MAP6D1: variants seen among roughly 807,000 people sequenced by gnomAD.
MAP6D1 encodes MAP6 domain-containing protein 1.
In MAP6D1, 13 loss-of-function variants were observed where a neutral mutation model predicts 17.4. The observed-to-expected ratio is 0.75, with a 90% CI of 0.49 to 1.19. The LOEUF (loss-of-function observed/expected upper bound fraction) is 1.19. Ranked by LOEUF, MAP6D1 falls within the 50% of genes most tolerant of loss-of-function variation. The probability of loss-of-function intolerance (pLI) is 0.00; values close to 1 mark genes in which losing one functional copy is unlikely to be tolerated. For missense variants in MAP6D1, 313 were observed against 312.6 expected (o/e 1.00, Z -0.01); for synonymous variants, 141 against 145.7 (o/e 0.97, Z 0.23).
chr3:183,817,527 C>A, intron 2 of MAP6D1, 91 bp from the exon 3 acceptor site: 1 of 1,159,644 alleles, frequency 8.6e-7, no homozygotes, highest in Non-Finnish European at 1.2e-6. Context: ...AAATCCCCTC[C>A]CATCCTCTGC....
intron 1 of MAP6D1, among the ~76,000 whole-genome samples, chr3:183,822,294 A>C (rs1053404044): frequency 7.5e-6 from 1 of 133,860 alleles, no homozygotes; most frequent in South Asian, 2.4e-4. Context: ...CACACACACA[A>C]AACCCCACAT....
In MAP6D1 at chr3:183,825,283, G is replaced by A. The variant is rs750399591; in HGVS notation, c.265C>T (p.Arg89Cys). 2.2e-4 allele frequency: 289 copies of A among 1,337,012 alleles called. 2 individuals are homozygous for A. Among genetic ancestry groups the A allele is most frequent in the Admixed American group, 4.2e-5 (1 of 24,082 alleles). 82.8% of individuals were successfully genotyped at this position (1,337,012 alleles called of 1,614,324 possible). Residue 89 changes from arginine (R) to cysteine (C), a missense_variant, in exon 1 of 3, where the codon CGC (arginine) becomes TGC (cysteine). Physicochemically the swap from Arg to Cys is radical, Grantham distance 180. Coordinates refer to ENST00000318631, the MANE Select transcript of MAP6D1 (RefSeq NM_024871.4). ...CTGCGGCCGCCCGCCCCCGGTCCGC[G>A]CCCCGGCGGCGGATCCTTGGGCCCG... is the stretch of plus-strand genomic sequence containing the variant. Reference protein sequence around the residue: ...PAGPKDPPPGRGPGAGGRRGK... With the variant: ...PAGPKDPPPGCGPGAGGRRGK...
intron 1 of MAP6D1, among the ~76,000 whole-genome samples, chr3:183,819,959 G>A (rs978675588): frequency 2.0e-5 from 3 of 152,214 alleles, no homozygotes; most frequent in African/African-American, 7.2e-5. Context: ...CCAGAAGTGG[G>A]CGGGGCTAGC....
chr3:183,825,543 G>C lies in MAP6D1; in HGVS notation c.5C>G (p.Ala2Gly). The C allele has an allele frequency of 1.6e-6, 2 of 1,239,300 alleles. No individual in the cohort carries two copies. Among genetic ancestry groups the C allele is most frequent in the Non-Finnish European group, 2.0e-6 (2 of 992,844 alleles). 76.8% of individuals were successfully genotyped at this position (1,239,300 alleles called of 1,614,324 possible). A position where few individuals can be genotyped will look rare whatever the true frequency, so the allele number is the denominator to read the frequency against. The change falls in exon 1 of 3, where the codon GCG (alanine) becomes GGG (glycine). Residue 2 changes from alanine to glycine, a missense_variant. Ala to Gly is a moderately conservative substitution (Grantham distance 60). Coordinates refer to ENST00000318631, the MANE Select transcript of MAP6D1 (RefSeq NM_024871.4). ...GCACAGGCGGCTGATACAGGGCCAC[G>C]CCATGCCAGCCCCGGCGCCCGCCGC... MAWPCISRLCCL... is the reference protein window; with the variant it reads MGWPCISRLCCL...
chr3:183,816,493 T>A lies in MAP6D1; in HGVS notation c.*863A>T, dbSNP rs1303653474. On this transcript the variant is annotated 3_prime_UTR_variant, in exon 3 of 3. Transcript: ENST00000318631. ...AACTGCCTCTTCAAAAGGTGGTGAG[T>A]TCCCCGTCACTGTACATGTGAGCAG... 1 of 152,136 alleles carries A rather than the reference T, an allele frequency of 6.6e-6. No homozygotes were observed. Among genetic ancestry groups the A allele is most frequent in the Non-Finnish European group, 1.5e-5 (1 of 68,058 alleles). The allele number at this position is 152,136 out of a possible 1,614,324, so 9.4% of individuals were successfully genotyped here. A position where few individuals can be genotyped will look rare whatever the true frequency, so the allele number is the denominator to read the frequency against.
chr3:183,821,830 A>T (rs1043736440), intron 1 of MAP6D1, among the ~76,000 whole-genome samples: 2 of 151,432 alleles, frequency 1.3e-5, no homozygotes, highest in African/African-American at 4.9e-5. Context: ...GCCCGGCCTA[A>T]TTTTTATATT....
Position 183,817,009 on chromosome 3 carries a change from G to A in MAP6D1, c.*347C>T, listed in dbSNP as rs963205595. 3.7e-5 allele frequency: 11 copies of A among 299,054 alleles called. No individual in the cohort carries two copies. Among genetic ancestry groups the A allele is most frequent in the East Asian group, 9.6e-5 (1 of 10,406 alleles). 18.5% of individuals were successfully genotyped at this position (299,054 alleles called of 1,614,324 possible). On this transcript the variant is annotated 3_prime_UTR_variant, in exon 3 of 3. Transcript: ENST00000318631. ...GACATAACTGGTTCTTTCAAGGGCC[G>A]GATGTGTCCACATTCCTCAGCTTCC... is the stretch of plus-strand genomic sequence containing the variant.
At chr3:183,819,271 G>A (rs577136803) in intron 1 of MAP6D1, among the ~76,000 whole-genome samples, 3 of 152,382 alleles carry the variant, frequency 2.0e-5, no homozygotes, top group Middle Eastern at 3.4e-3. Flanking sequence ...CCGGGGCCCC[G>A]TCAGGTAATT....
At chr3:183,820,512 T>A (rs918693108) in intron 1 of MAP6D1, 4 of 152,256 alleles carry the variant, frequency 2.6e-5, no homozygotes, top group Non-Finnish European at 5.9e-5. Context: ...ACGCCTGTAA[T>A]CTCAGCACTT....
intron 1 of MAP6D1, among the ~76,000 whole-genome samples, chr3:183,822,708 C>T (rs1360804962): frequency 6.6e-6 from 1 of 152,182 alleles, no homozygotes; most frequent in Non-Finnish European, 1.5e-5. Context: ...CAAGCTGAGC[C>T]GCCAAAGCTG....
At chr3:183,820,697 A>T (rs1210071607) in intron 1 of MAP6D1, among the ~76,000 whole-genome samples, 1 of 151,902 alleles carries the variant, frequency 6.6e-6, no homozygotes, top group Non-Finnish European at 1.5e-5. Context: ...CAGGAGATCG[A>T]GACCATCCTG....
At chr3:183,818,702 C>T (rs1376668941) in intron 1 of MAP6D1, among the ~76,000 whole-genome samples, 1 of 152,206 alleles carries the variant, frequency 6.6e-6, no homozygotes, top group Non-Finnish European at 1.5e-5. Context: ...GTTTTTTATA[C>T]TTTGTCTCAT....
chr3:183,818,875 G>A (rs10428248), intron 1 of MAP6D1, among the ~76,000 whole-genome samples: 1 of 151,908 alleles, frequency 6.6e-6, no homozygotes, highest in Admixed American at 6.5e-5. Context: ...CCTGGAGGGA[G>A]AGGATGAGGC....
rs60341893 is a variant in MAP6D1, at chr3:183,822,240, A to AACAC, written c.401+2903_401+2906dup. On this transcript the variant is annotated intron_variant, in intron 1 of 2. Coordinates refer to ENST00000318631, the MANE Select transcript of MAP6D1 (RefSeq NM_024871.4). ...TGGGCAACATAAACCCCATCTCTAA[A>AACAC]ACACACACACACACACACACACACA... Among the ~76,000 whole-genome samples the AACAC allele has an allele frequency of 2.6e-3, 359 of 138,662 alleles. 3 individuals are homozygous for AACAC. Among genetic ancestry groups the AACAC allele is most frequent in the African/African-American group, 6.2e-3 (226 of 36,660 alleles). 91.0% of individuals were successfully genotyped at this position (138,662 alleles called of 152,430 possible).
rs137891664 is a variant in MAP6D1 at position 183,818,037 on chromosome 3, G to A, written c.476C>T (p.Thr159Ile). 23 of 1,614,178 alleles carry A rather than the reference G, an allele frequency of 1.4e-5. 1 individual carries two copies. Among genetic ancestry groups the A allele is most frequent in the Middle Eastern group, 3.3e-4 (2 of 6,062 alleles). ...TKTKPARVIT[T>I]HTSGWDSSPG... ...GCTGCTGTCCCATCCCGAAGTGTGGGTTGTGATGACTCGGGCTGGTTTTGT... is the reference window on the plus strand; with the variant it reads ...GCTGCTGTCCCATCCCGAAGTGTGGATTGTGATGACTCGGGCTGGTTTTGT... The change falls in exon 2 of 3, where the codon ACC (threonine) becomes ATC (isoleucine). Residue 159 changes from threonine (T) to isoleucine (I), a missense_variant. Transcript: ENST00000318631.
intron 1 of MAP6D1, among the ~76,000 whole-genome samples, chr3:183,823,400 G>T (rs1727302871): frequency 6.6e-6 from 1 of 151,964 alleles, no homozygotes; most frequent in Admixed American, 6.5e-5. Context: ...AGGAGTTCAA[G>T]ACCTGCCTGA....
At position 183,816,026 on chromosome 3, in the gene MAP6D1, C is replaced by T. The variant is rs1173065030; in HGVS notation, c.*1330G>A. On this transcript the variant is annotated 3_prime_UTR_variant, in exon 3 of 3. Transcript: ENST00000318631. ...TCTTAGAAAAATCAAACATGCAAGCCGTGAAGTCAGGAATAGCTGAACCCC... is the reference window on the plus strand; with the variant it reads ...TCTTAGAAAAATCAAACATGCAAGCTGTGAAGTCAGGAATAGCTGAACCCC... The T allele has an allele frequency of 6.6e-6, 1 of 152,212 alleles. No individual in the cohort carries two copies. Among genetic ancestry groups the T allele is most frequent in the Non-Finnish European group, 1.5e-5 (1 of 68,048 alleles). 9.4% of individuals were successfully genotyped at this position (152,212 alleles called of 1,614,324 possible).
In MAP6D1 at chr3:183,817,078, C is replaced by T. The variant is rs904680272; in HGVS notation, c.*278G>A. 1 of 449,378 alleles carries T rather than the reference C, an allele frequency of 2.2e-6. No individual in the cohort carries two copies. The highest frequency in any genetic ancestry group is 4.1e-6 in the Non-Finnish European group (1 of 244,402). The allele number at this position is 449,378 out of a possible 1,614,324, so 27.8% of individuals were successfully genotyped here. A position where few individuals can be genotyped will look rare whatever the true frequency, so the allele number is the denominator to read the frequency against. On this transcript the variant is annotated 3_prime_UTR_variant, in exon 3 of 3. Transcript: ENST00000318631. ...CAACTGACTTGATCCTCAGGCTCCT[C>T]AGAGATTTCAAAACTGAGAGACGGC...
intron 1 of MAP6D1, among the ~76,000 whole-genome samples, chr3:183,823,305 TAGA>T (rs907851878): frequency 2.0e-5 from 3 of 151,880 alleles, no homozygotes; most frequent in Non-Finnish European, 4.4e-5. Flanking sequence ...GCTTAGCTTT[TAGA>T]AGGAGTCCCT....
Sources: gnomAD v4.1 joint callset for allele counts (sites outside exome capture counted in the v4.1 genomes callset) on GRCh38, gnomAD v4.1.1 for gene constraint, MANE v1.5 for transcripts, NCBI Gene and HGNC (gene_info 2026-07-23, HGNC 2026-07-21) for gene names.